Variants in NXPH4 observed in about 807,000 individuals in gnomAD.
The protein encoded by NXPH4 is neurexophilin 4, also known as neurexophilin-4.
NXPH4 carries 8 observed loss-of-function variants against 21.3 expected under a neutral mutation model. The observed-to-expected ratio is 0.38, with a 90% CI of 0.22 to 0.68. The LOEUF (loss-of-function observed/expected upper bound fraction) is 0.68. NXPH4 is among the 30% of genes least tolerant of loss of function. The probability of loss-of-function intolerance (pLI) is 0.53; values close to 1 mark genes in which losing one functional copy is unlikely to be tolerated. For missense variants in NXPH4, 418 were observed against 416.8 expected (o/e 1.00, Z -0.03); for synonymous variants, 219 against 192.6 (o/e 1.14, Z -1.13).
At chr12:57,219,063 G>A (rs1358664905) in intron 1 of NXPH4, among the ~76,000 whole-genome samples, 1 of 152,166 alleles carries the variant, frequency 6.6e-6, no homozygotes, top group African/African-American at 2.4e-5. Flanking sequence ...TGGCTTATGT[G>A]TGTGGGTGCT....
chr12:57,225,554 A>G lies in NXPH4; in HGVS notation c.734A>G (p.Lys245Arg). ...VEYEKTNRAR[K>R]HRPCLYDPSQ... ...TATGAGAAGACAAACCGCGCGCGCA[A>G]GCACCGACCGTGCCTGTACGACCCG... The change falls in exon 2 of 2, where the codon AAG becomes AGG. Residue 245 changes from lysine (K) to arginine (R), a missense_variant. Lys to Arg is a conservative substitution (Grantham distance 26). Transcript: ENST00000349394. 1 of 1,613,236 alleles carries G rather than the reference A, an allele frequency of 6.2e-7. No homozygotes were observed. The highest frequency in any genetic ancestry group is 8.5e-7 in the Non-Finnish European group (1 of 1,179,986).
chr12:57,224,214 C>T (rs1027661555), intron 1 of NXPH4, among the ~76,000 whole-genome samples: 1 of 152,136 alleles, frequency 6.6e-6, no homozygotes, highest in African/African-American at 2.4e-5. Flanking sequence ...CAACCTCCAC[C>T]TACCAGGTTC....
At position 57,216,876 on chromosome 12, in the gene NXPH4, C is replaced by T. The variant is rs2037043592; in HGVS notation, c.-94C>T. 1.4e-5 allele frequency: 11 copies of T among 791,758 alleles called. No individual in the cohort carries two copies. Among genetic ancestry groups the T allele is most frequent in the Non-Finnish European group, 1.7e-5 (11 of 630,548 alleles). The allele number at this position is 791,758 out of a possible 1,614,324, so 49.0% of individuals were successfully genotyped here. A position where few individuals can be genotyped will look rare whatever the true frequency, so the allele number is the denominator to read the frequency against. On this transcript the variant is annotated 5_prime_UTR_variant, in exon 1 of 2. Coordinates refer to ENST00000349394, the MANE Select transcript of NXPH4 (RefSeq NM_007224.4). The surrounding 1 kb of genome is among the most constrained non-coding windows in gnomAD (Gnocchi z 5.3). ...CCCGCCGCTCCCGCCGCTCCCGCAG[C>T]CGCCCCGCCGCCCGCCCGGAGCCCC...
Position 57,225,910 on chromosome 12 carries a change from CT to C in NXPH4, c.*167del, listed in dbSNP as rs1043631052. Reference sequence around the variant, plus strand: ...GGGACCCTCAGCTAGCGTGGGTGCCCTTTTCCTTATGCGGAGTGCCCGCAAG... The same window carrying C: ...GGGACCCTCAGCTAGCGTGGGTGCCCTTTCCTTATGCGGAGTGCCCGCAAG... On this transcript the variant is annotated 3_prime_UTR_variant, in exon 2 of 2. Coordinates refer to ENST00000349394, the MANE Select transcript of NXPH4 (RefSeq NM_007224.4). 4 of 1,439,476 alleles carry C rather than the reference CT, an allele frequency of 2.8e-6. No homozygotes were observed. The highest frequency in any genetic ancestry group is 2.9e-5 in the African/African-American group (2 of 69,702). 89.2% of individuals were successfully genotyped at this position (1,439,476 alleles called of 1,614,324 possible). A position where few individuals can be genotyped will look rare whatever the true frequency, so the allele number is the denominator to read the frequency against.
chr12:57,225,844 C>T lies in NXPH4; in HGVS notation c.*97C>T. 1 of 1,511,542 alleles carries T rather than the reference C, an allele frequency of 6.6e-7. No homozygotes were observed. Among genetic ancestry groups the T allele is most frequent in the South Asian group, 1.3e-5 (1 of 77,810 alleles). The allele number at this position is 1,511,542 out of a possible 1,614,324, so 93.6% of individuals were successfully genotyped here. A position where few individuals can be genotyped will look rare whatever the true frequency, so the allele number is the denominator to read the frequency against. On this transcript the variant is annotated 3_prime_UTR_variant, in exon 2 of 2. Coordinates refer to ENST00000349394, the MANE Select transcript of NXPH4 (RefSeq NM_007224.4). Reference sequence around the variant, plus strand: ...TTCTGCCGCTCCTGTGGCCATGTCGCCCACTCCTTCCACTCTGGGGGCGGA... The same window carrying T: ...TTCTGCCGCTCCTGTGGCCATGTCGTCCACTCCTTCCACTCTGGGGGCGGA...
At chr12:57,224,282 C>T (rs543710486) in intron 1 of NXPH4, among the ~76,000 whole-genome samples, 11 of 151,816 alleles carry the variant, frequency 7.2e-5, no homozygotes, top group Non-Finnish European at 1.2e-4. Flanking sequence ...CACCCCAGAA[C>T]GCCCGCCTAA....
At chr12:57,222,134 AC>A (rs1466364531) in intron 1 of NXPH4, among the ~76,000 whole-genome samples, 1 of 151,334 alleles carries the variant, frequency 6.6e-6, no homozygotes, top group Non-Finnish European at 1.5e-5. Context: ...ACAGACTCTC[AC>A]CCCTCCCTGT....
At position 57,226,096 on chromosome 12, in the gene NXPH4, T is replaced by G; in HGVS notation, c.*349T>G. On this transcript the variant is annotated 3_prime_UTR_variant, in exon 2 of 2. Transcript: ENST00000349394. ...TGCGCACTCCCTTTCCCCGCAGCTT[T>G]AATAACTCCTGGCCTGGCACCCTCA... 1.9e-6 allele frequency: 1 copy of G among 514,938 alleles called. No individual in the cohort carries two copies. The highest frequency in any genetic ancestry group is 3.3e-6 in the Non-Finnish European group (1 of 306,550). 31.9% of individuals were successfully genotyped at this position (514,938 alleles called of 1,614,324 possible). A position where few individuals can be genotyped will look rare whatever the true frequency, so the allele number is the denominator to read the frequency against.
At position 57,225,527 on chromosome 12, in the gene NXPH4, A is replaced by C. The variant is rs944369953; in HGVS notation, c.707A>C (p.Glu236Ala). The C allele has an allele frequency of 7.4e-6, 12 of 1,612,676 alleles. No homozygotes were observed. The highest frequency in any genetic ancestry group is 1.0e-5 in the Non-Finnish European group (12 of 1,179,928). The change falls in exon 2 of 2, where the codon GAG becomes GCG. Residue 236 changes from glutamate to alanine, a missense_variant. By Grantham distance (107) the Glu-to-Ala change is moderately radical. Coordinates refer to ENST00000349394, the MANE Select transcript of NXPH4 (RefSeq NM_007224.4). The part of the protein sequence containing the change: ...KESRAFNCHV[E>A]YEKTNRARKH... ...TCACGCGCTTTCAATTGCCACGTGGAGTATGAGAAGACAAACCGCGCGCGC... is the reference window on the plus strand; with the variant it reads ...TCACGCGCTTTCAATTGCCACGTGGCGTATGAGAAGACAAACCGCGCGCGC...
At chr12:57,223,360 C>T (rs1478717929) in intron 1 of NXPH4, among the ~76,000 whole-genome samples, 2 of 152,102 alleles carry the variant, frequency 1.3e-5, no homozygotes, top group Non-Finnish European at 2.9e-5. Flanking sequence ...GACACACACA[C>T]CCAGCCAATC....
At chr12:57,221,142 C>T (rs764621692) in intron 1 of NXPH4, among the ~76,000 whole-genome samples, 1 of 152,124 alleles carries the variant, frequency 6.6e-6, no homozygotes, top group African/African-American at 2.4e-5. Flanking sequence ...GTCCCCCTCC[C>T]TCTCTGTCTC....
At chr12:57,221,381 C>G (rs1167617854) in intron 1 of NXPH4, 3 of 455,786 alleles carry the variant, frequency 6.6e-6, no homozygotes, top group Non-Finnish European at 1.3e-5. Context: ...AGGGGAAAAG[C>G]AACGGGCCAG....
At position 57,225,385 on chromosome 12, in the gene NXPH4, C is replaced by A; in HGVS notation, c.565C>A (p.Leu189Met). ...CGCCCTGGAGGGGGTGCTTCCTGGG[C>A]TGGGGCCCCCGCTGGGGATGGCAGC... Reference protein sequence around the residue: ...TLALEGVLPGLGPPLGMAAAA... With the variant: ...TLALEGVLPGMGPPLGMAAAA... The change falls in exon 2 of 2, where the codon CTG (leucine) becomes ATG (methionine). Residue 189 changes from leucine to methionine, a missense_variant. Transcript: ENST00000349394. 6.3e-7 allele frequency: 1 copy of A among 1,595,330 alleles called. No homozygotes were observed. Among genetic ancestry groups the A allele is most frequent in the Non-Finnish European group, 8.5e-7 (1 of 1,174,474 alleles).
chr12:57,224,330 T>C (rs377613074), intron 1 of NXPH4, among the ~76,000 whole-genome samples: 2 of 152,112 alleles, frequency 1.3e-5, no homozygotes, highest in East Asian at 3.9e-4. Flanking sequence ...TTGGCCAGGC[T>C]GGTCTCGAAC....
chr12:57,224,722 C>T (rs571487830), intron 1 of NXPH4, among the ~76,000 whole-genome samples, 156 bp from the exon 2 acceptor site: 1 of 152,386 alleles, frequency 6.6e-6, no homozygotes, highest in South Asian at 2.1e-4. Context: ...GAAAGGGCTG[C>T]AGTTCTCCTC....
rs1274478730 is a variant in NXPH4, at chr12:57,225,443, T to TCGGGGG, written c.626_631dup (p.Gly209_Gly210dup). The stretch of plus-strand genomic sequence containing the variant: ...GCGGGGCCCGGGCTTGGGGGCTCCC[T>TCGGGGG]CGGGGGCGCACTGGCGGGGCCGCTT... On this transcript the variant is annotated inframe_insertion, in exon 2 of 2. Transcript: ENST00000349394. 2.1e-5 allele frequency: 33 copies of TCGGGGG among 1,603,520 alleles called. No homozygotes were observed. Among genetic ancestry groups the TCGGGGG allele is most frequent in the Non-Finnish European group, 2.7e-5 (32 of 1,177,636 alleles).
At chr12:57,224,808 G>C in intron 1 of NXPH4, 70 bp from the exon 2 acceptor site, 2 of 523,204 alleles carry the variant, frequency 3.8e-6, no homozygotes, top group Admixed American at 6.3e-5. Flanking sequence ...AGGGACTGGC[G>C]TCGATAGGGC....
Position 57,225,247 on chromosome 12 carries a change from A to C in NXPH4, c.427A>C (p.Asn143His). Residue 143 changes from asparagine (N) to histidine (H), a missense_variant, in exon 2 of 2, where the codon AAC (asparagine) becomes CAC (histidine). Physicochemically the swap from Asn to His is moderately conservative, Grantham distance 68 (BLOSUM62 1). Coordinates refer to ENST00000349394, the MANE Select transcript of NXPH4 (RefSeq NM_007224.4). ...TACCTTCAGTGTGTATTTCCGCCACAACTCGTCCAGCCTGGGCAACCTCAG... is the reference window on the plus strand; with the variant it reads ...TACCTTCAGTGTGTATTTCCGCCACCACTCGTCCAGCCTGGGCAACCTCAG... Reference protein sequence around the residue: ...NGTFSVYFRHNSSSLGNLSVS... With the variant: ...NGTFSVYFRHHSSSLGNLSVS... 1 of 1,552,460 alleles carries C rather than the reference A, an allele frequency of 6.4e-7. No homozygotes were observed. The highest frequency in any genetic ancestry group is 8.7e-7 in the Non-Finnish European group (1 of 1,150,718).
Position 57,225,299 on chromosome 12 carries a change from G to T in NXPH4, c.479G>T (p.Arg160Leu), listed in dbSNP as rs201118842. Residue 160 changes from arginine (R) to leucine (L), a missense_variant, in exon 2 of 2, where the codon CGT becomes CTT. Physicochemically the swap from Arg to Leu is moderately radical, Grantham distance 102 (BLOSUM62 -2). Coordinates refer to ENST00000349394, the MANE Select transcript of NXPH4 (RefSeq NM_007224.4). Reference protein sequence around the residue: ...LSVSIVPPSKRVEFGGVWLPG... With the variant: ...LSVSIVPPSKLVEFGGVWLPG... ...GTCAGCATCGTGCCGCCCTCCAAGC[G>T]TGTCGAGTTCGGAGGAGTCTGGCTG... 6.4e-7 allele frequency: 1 copy of T among 1,555,214 alleles called. No individual in the cohort carries two copies. Among genetic ancestry groups the T allele is most frequent in the South Asian group, 1.2e-5 (1 of 81,980 alleles).
Sources: gnomAD v4.1 joint callset for allele counts (sites outside exome capture counted in the v4.1 genomes callset) on GRCh38, gnomAD v4.1.1 for gene constraint, Gnocchi (gnomAD v3.1) non-coding constraint, MANE v1.5 for transcripts, NCBI Gene and HGNC (gene_info 2026-07-23, HGNC 2026-07-21) for gene names.